The following CNKSR3 variants were observed in gnomAD, a reference collection of about 807,000 sequenced individuals.
CNKSR3 encodes the protein connector enhancer of kinase suppressor of ras 3.
Under a neutral mutation model 67.7 loss-of-function variants are expected in CNKSR3, and 36 were observed. The observed-to-expected ratio is 0.53, with a 90% CI of 0.41 to 0.70. The LOEUF is 0.70. Among genes scored for constraint, CNKSR3 ranks in the 30% least tolerant of loss-of-function variants. The pLI is 0.00. For synonymous variants in CNKSR3, 281 were observed against 271.4 expected (o/e 1.04, Z -0.35); for missense variants, 630 against 695.2 (o/e 0.91, Z 1.05).
intron 1 of CNKSR3, among the ~76,000 whole-genome samples, chr6:154,501,298 T>C (rs1404534897): frequency 6.6e-6 from 1 of 152,184 alleles, no homozygotes; most frequent in Non-Finnish European, 1.5e-5. Context: ...CCTGAATTCA[T>C]TTCTGCTCAA....
intron 1 of CNKSR3, among the ~76,000 whole-genome samples, chr6:154,509,858 A>ACAATCCG (rs1029224031): frequency 3.3e-5 from 5 of 152,154 alleles, no homozygotes; most frequent in Non-Finnish European, 5.9e-5. Flanking sequence ...TCGGCTTGCC[A>ACAATCCG]CAATCCGCAC....
At chr6:154,407,895 A>AAAAAC (rs1554230757) in intron 12 of CNKSR3, among the ~76,000 whole-genome samples, 4 of 147,658 alleles carry the variant, frequency 2.7e-5, no homozygotes, top group African/African-American at 9.9e-5. Context: ...AAAAAAAAAA[A>AAAAAC]CCTAAATTTC....
chr6:154,420,688 CAAAAAAAAAAAAA>C (rs1166654953), intron 9 of CNKSR3, among the ~76,000 whole-genome samples: 1 of 79,390 alleles, frequency 1.3e-5, no homozygotes, highest in Admixed American at 1.5e-4. Context: ...GACTCCGTCT[CAAAAAAAAAAAAA>C]AAAAAAAAAA....
chr6:154,481,145 A>G (rs922779036), intron 1 of CNKSR3, among the ~76,000 whole-genome samples: 2 of 150,358 alleles, frequency 1.3e-5, no homozygotes, highest in Admixed American at 1.3e-4. Context: ...TTTGATATTT[A>G]TCTATTTTAT....
chr6:154,409,287 T>C (rs1186990267), intron 12 of CNKSR3, among the ~76,000 whole-genome samples: 5 of 152,326 alleles, frequency 3.3e-5, no homozygotes, highest in Non-Finnish European at 7.3e-5. Flanking sequence ...CTGCCCTTTG[T>C]TTCAACAACT....
chr6:154,510,139 G>C lies in CNKSR3; in HGVS notation c.-25C>G. 6.2e-7 allele frequency: 1 copy of C among 1,613,918 alleles called. No individual in the cohort carries two copies. The highest frequency in any genetic ancestry group is 1.7e-5 in the Admixed American group (1 of 60,020). ...TGGTAAACCGCTTCGCCTCTCGCTG[G>C]GCTGGAGAGTCGCAGATAAAGTGCT... On this transcript the variant is annotated 5_prime_UTR_variant, in exon 1 of 13. Coordinates refer to ENST00000607772, the MANE Select transcript of CNKSR3 (RefSeq NM_173515.4).
intron 1 of CNKSR3, among the ~76,000 whole-genome samples, chr6:154,455,222 G>A (rs1785928958): frequency 6.6e-6 from 1 of 151,812 alleles, no homozygotes; most frequent in Admixed American, 6.6e-5. Context: ...GGGATGTTGA[G>A]GCAGAAGAAT....
chr6:154,432,340 T>A (rs562689432), intron 5 of CNKSR3, among the ~76,000 whole-genome samples: 71 of 152,380 alleles, frequency 4.7e-4, no homozygotes, highest in African/African-American at 1.7e-3. Flanking sequence ...TTTTGTCTCC[T>A]TTTTAATTGG....
chr6:154,482,720 A>G (rs1786589740), intron 1 of CNKSR3, among the ~76,000 whole-genome samples: 1 of 152,236 alleles, frequency 6.6e-6, no homozygotes, highest in African/African-American at 2.4e-5. Flanking sequence ...TATAGCATAA[A>G]GGGGACTATC....
intron 7 of CNKSR3, among the ~76,000 whole-genome samples, chr6:154,426,873 C>A (rs185957988): frequency 1.3e-5 from 2 of 152,222 alleles, no homozygotes; most frequent in East Asian, 3.8e-4. Flanking sequence ...CACCATGTTT[C>A]TCTTCCATAC....
chr6:154,414,112 C>T (rs1350068839), intron 10 of CNKSR3, among the ~76,000 whole-genome samples, 187 bp downstream of exon 10: 1 of 151,234 alleles, frequency 6.6e-6, no homozygotes, highest in Non-Finnish European at 1.5e-5. Context: ...TCAAGCCCCA[C>T]AGAACCCAGA....
chr6:154,498,252 T>G (rs749639088), intron 1 of CNKSR3, among the ~76,000 whole-genome samples: 9 of 152,148 alleles, frequency 5.9e-5, no homozygotes, highest in Non-Finnish European at 1.3e-4. Flanking sequence ...TTTATTCACA[T>G]CTTACAGGTG....
chr6:154,412,050 G>A (rs1784923478), intron 10 of CNKSR3, among the ~76,000 whole-genome samples: 1 of 152,120 alleles, frequency 6.6e-6, no homozygotes, highest in Non-Finnish European at 1.5e-5. Context: ...CAGCTGCTTA[G>A]TTTTTTTGCA....
chr6:154,430,624 T>C, intron 5 of CNKSR3, 33 bp from the exon 6 acceptor site: 1 of 1,587,636 alleles, frequency 6.3e-7, no homozygotes, highest in Non-Finnish European at 8.6e-7. Context: ...TCAGGAAAGT[T>C]CAATCATTAA....
intron 1 of CNKSR3, among the ~76,000 whole-genome samples, chr6:154,458,161 T>C (rs1198893804): frequency 6.6e-6 from 1 of 152,200 alleles, no homozygotes. Flanking sequence ...AAATATTTAC[T>C]ACCTGGCCCA....
At chr6:154,497,073 GGCCCTTA>G (rs1786894214) in intron 1 of CNKSR3, among the ~76,000 whole-genome samples, 1 of 152,204 alleles carries the variant, frequency 6.6e-6, no homozygotes, top group South Asian at 2.1e-4. Flanking sequence ...GCAAGAGCCT[GGCCCTTA>G]AAGAATCGTG....
At chr6:154,503,825 T>C (rs1192274318) in intron 1 of CNKSR3, among the ~76,000 whole-genome samples, 1 of 152,128 alleles carries the variant, frequency 6.6e-6, no homozygotes, top group East Asian at 1.9e-4. Context: ...CCTTCTCAAA[T>C]TAAGTGTCAT....
At chr6:154,414,194 AC>A (rs1279572408) in intron 10 of CNKSR3, 104 bp downstream of exon 10, 4 of 1,236,726 alleles carry the variant, frequency 3.2e-6, no homozygotes, top group Non-Finnish European at 4.4e-6. Context: ...GCCCTGTCAC[AC>A]TGTGGCTCAG....
intron 1 of CNKSR3, among the ~76,000 whole-genome samples, chr6:154,489,206 C>T (rs1300674069): frequency 6.6e-6 from 1 of 152,140 alleles, no homozygotes. Context: ...GAGATGCTCA[C>T]TGTATGTATT....
Sources: gnomAD v4.1 joint callset for allele counts (sites outside exome capture counted in the v4.1 genomes callset) on GRCh38, gnomAD v4.1.1 for gene constraint, MANE v1.5 for transcripts, NCBI Gene and HGNC (gene_info 2026-07-23, HGNC 2026-07-21) for gene names.